PLEKHA5: variants seen among roughly 807,000 people sequenced by gnomAD.
PLEKHA5 encodes the protein pleckstrin homology domain-containing family A member 5.
PLEKHA5 carries 55 observed loss-of-function variants against 181.9 expected under a neutral mutation model. That is an observed-to-expected ratio of 0.30 (90% CI 0.24 to 0.38). The LOEUF (loss-of-function observed/expected upper bound fraction) is 0.38, where lower values mean the gene tolerates loss of function less well. Among genes scored for constraint, PLEKHA5 ranks in the 10% least tolerant of loss-of-function variants. The pLI, the probability that PLEKHA5 is intolerant of heterozygous loss-of-function variation, is 1.00. For missense variants in PLEKHA5, 1,432 were observed against 1,549.5 expected, an observed-to-expected ratio of 0.92 and a Z score of 1.27; for synonymous variants, 535 against 529.4, an observed-to-expected ratio of 1.01 and a Z score of -0.15.
chr12:19,135,706 C>T (rs970629659), intron 3 of PLEKHA5, among the ~76,000 whole-genome samples: 5 of 151,894 alleles, frequency 3.3e-5, no homozygotes, highest in African/African-American at 1.2e-4. Flanking sequence ...AAACAAAGGA[C>T]CTGATCAGCG....
intron 3 of PLEKHA5, among the ~76,000 whole-genome samples, chr12:19,242,293 C>T (rs1016922914): frequency 4.0e-5 from 6 of 151,468 alleles, no homozygotes; most frequent in African/African-American, 1.5e-4. Context: ...GGCTGGAGTG[C>T]AGTGGCACGA....
At chr12:19,280,851 CA>C (rs2075956131) in intron 11 of PLEKHA5, among the ~76,000 whole-genome samples, 1 of 151,750 alleles carries the variant, frequency 6.6e-6, no homozygotes, top group South Asian at 2.1e-4. Flanking sequence ...GCTGGAACTA[CA>C]GGCGTGCGTC....
chr12:19,262,836 G>A (rs1442170407), intron 7 of PLEKHA5, among the ~76,000 whole-genome samples: 2 of 152,114 alleles, frequency 1.3e-5, no homozygotes, highest in South Asian at 2.1e-4. Context: ...ATTTACCTTT[G>A]TAACAAATCC....
At position 19,178,467 on chromosome 12, in the gene PLEKHA5, G is replaced by A. The variant is rs150764158; in HGVS notation, c.227+46017G>A. Among the ~76,000 whole-genome samples the A allele has an allele frequency of 2.7e-3, 404 of 152,306 alleles. 3 individuals carry two copies. Among genetic ancestry groups the A allele is most frequent in the African/African-American group, 9.0e-3 (376 of 41,558 alleles). On this transcript the variant is annotated intron_variant, in intron 3 of 31. Transcript: ENST00000429027. ...GCATTGCAGCTACACGAAGTGGAGC[G>A]TGCAGTTTTCCAAGTAGGTAGTTAA... is the stretch of plus-strand genomic sequence containing the variant.
intron 3 of PLEKHA5, among the ~76,000 whole-genome samples, chr12:19,182,124 C>T (rs2048754601): frequency 6.6e-6 from 1 of 152,132 alleles, no homozygotes; most frequent in Admixed American, 6.5e-5. Context: ...CTTTTTAAGA[C>T]TTATTTATAT....
In PLEKHA5 at chr12:19,156,391, T is replaced by A. The variant is rs910664678; in HGVS notation, c.227+23941T>A. 2.0e-5 allele frequency among the ~76,000 whole-genome samples: 3 copies of A among 152,260 alleles called. No homozygotes were observed. The East Asian group carries it at 5.8e-4, about 29-fold the overall frequency. ...AACCCATGTATTATTGGTAAAATTA[T>A]ATACATATGAGAGACTGATTTTTTT... On this transcript the variant is annotated intron_variant, in intron 3 of 31. Coordinates refer to ENST00000429027, the MANE Select transcript of PLEKHA5 (RefSeq NM_001256470.2).
At chr12:19,178,311 T>G (rs1287428012) in intron 3 of PLEKHA5, among the ~76,000 whole-genome samples, 4 of 152,240 alleles carry the variant, frequency 2.6e-5, no homozygotes, top group Non-Finnish European at 5.9e-5. Context: ...CATTATTCCC[T>G]AGGTAAATGC....
At chr12:19,316,978 T>G (rs1466159494) in intron 16 of PLEKHA5, among the ~76,000 whole-genome samples, 1 of 152,132 alleles carries the variant, frequency 6.6e-6, no homozygotes, top group Non-Finnish European at 1.5e-5. Context: ...AGCCACTCAG[T>G]TTTTGGAAAT....
At chr12:19,240,827 T>A (rs1214097765) in intron 3 of PLEKHA5, among the ~76,000 whole-genome samples, 1 of 152,106 alleles carries the variant, frequency 6.6e-6, no homozygotes, top group Non-Finnish European at 1.5e-5. Flanking sequence ...GTTTCTGAGT[T>A]AGGGTTCTGC....
chr12:19,283,238 A>G, intron 11 of PLEKHA5, 42 bp from the exon 12 acceptor site: 340 of 1,014,634 alleles, frequency 3.4e-4, no homozygotes, highest in Non-Finnish European at 4.5e-4. Flanking sequence ...TTGGAAAATA[A>G]CCCTCCTTCA....
chr12:19,236,943 C>G (rs1392308217), intron 3 of PLEKHA5: 1 of 152,180 alleles, frequency 6.6e-6, no homozygotes, highest in Non-Finnish European at 1.5e-5. Context: ...GAGAACAGCT[C>G]AAAGACAAAG....
At chr12:19,147,487 A>G (rs1260861164) in intron 3 of PLEKHA5, among the ~76,000 whole-genome samples, 3 of 152,184 alleles carry the variant, frequency 2.0e-5, no homozygotes, top group Non-Finnish European at 4.4e-5. Context: ...TGAGGAGGCA[A>G]TACTAAAGGC....
chr12:19,211,572 TTTTG>T (rs2056910045), intron 3 of PLEKHA5, among the ~76,000 whole-genome samples: 1 of 152,174 alleles, frequency 6.6e-6, no homozygotes. Flanking sequence ...TTAAAACTGA[TTTTG>T]GCATGAATTC....
At chr12:19,135,841 A>G (rs2035451705) in intron 3 of PLEKHA5, among the ~76,000 whole-genome samples, 1 of 150,842 alleles carries the variant, frequency 6.6e-6, no homozygotes, top group South Asian at 2.1e-4. Flanking sequence ...CTTCACATCC[A>G]TTTGGCCAAA....
chr12:19,188,624 A>G (rs2050380855), intron 3 of PLEKHA5, among the ~76,000 whole-genome samples: 1 of 152,238 alleles, frequency 6.6e-6, no homozygotes, highest in South Asian at 2.1e-4. Flanking sequence ...TAACTGTATC[A>G]GACCATGATG....
intron 3 of PLEKHA5, among the ~76,000 whole-genome samples, chr12:19,179,933 C>G (rs955528604): frequency 9.2e-5 from 14 of 152,190 alleles, no homozygotes; most frequent in African/African-American, 3.4e-4. Flanking sequence ...CTCCTAGACT[C>G]AAGATATCCT....
At chr12:19,217,986 C>A (rs1387229099) in intron 3 of PLEKHA5, among the ~76,000 whole-genome samples, 1 of 152,152 alleles carries the variant, frequency 6.6e-6, no homozygotes, top group African/African-American at 2.4e-5. Context: ...TTCTGTGGGT[C>A]AGGAAATTGC....
intron 3 of PLEKHA5, chr12:19,176,220 T>C: frequency 7.4e-6 from 1 of 134,966 alleles, no homozygotes; most frequent in Non-Finnish European, 1.6e-5. Flanking sequence ...TCCCTCCCTC[T>C]GTCTTCCTCC....
intron 3 of PLEKHA5, among the ~76,000 whole-genome samples, chr12:19,218,238 C>T (rs540300209): frequency 1.4e-4 from 22 of 152,060 alleles, no homozygotes; most frequent in African/African-American, 5.3e-4. Context: ...TAGATACATC[C>T]GAGACATTGC....
Sources: allele counts gnomAD v4.1 joint callset (sites outside exome capture counted in the v4.1 genomes callset), GRCh38; gene constraint gnomAD v4.1.1; transcripts MANE v1.5; gene names NCBI Gene and HGNC (gene_info 2026-07-23, HGNC 2026-07-21).